RAD51AP2: variants seen among roughly 807,000 people sequenced by gnomAD.
RAD51AP2 encodes RAD51-associated protein 2.
A neutral mutation model predicts 85.5 loss-of-function variants in RAD51AP2; 67 were observed. The ratio of observed to expected loss-of-function variants is 0.78; its 90% CI spans 0.64 to 0.96. RAD51AP2 has a LOEUF of 0.96. RAD51AP2 is among the 40% of genes least tolerant of loss of function. RAD51AP2 has a pLI of 0.00. For missense variants in RAD51AP2, 1,307 were observed against 1,332.4 expected, an observed-to-expected ratio of 0.98 and a Z score of 0.30; for synonymous variants, 474 against 446.5, an observed-to-expected ratio of 1.06 and a Z score of -0.78.
the RAD51AP2 span, among the ~76,000 whole-genome samples, chr2:17,537,229 G>A: frequency 6.6e-6 from 1 of 151,958 alleles, no homozygotes; most frequent in African/African-American, 2.4e-5. Context: ...AGCTGAGGCG[G>A]GAGGATCACT....
In RAD51AP2 at chr2:17,516,075, G is replaced by C; in HGVS notation, c.2341C>G (p.His781Asp). 6.2e-7 allele frequency: 1 copy of C among 1,613,254 alleles called. No individual in the cohort carries two copies. Among genetic ancestry groups the C allele is most frequent in the African/African-American group, 1.3e-5 (1 of 74,960 alleles). Residue 781 changes from histidine to aspartate, a missense_variant, in exon 1 of 3, where the codon CAC (histidine) becomes GAC (aspartate). Physicochemically the swap from His to Asp is moderately conservative, Grantham distance 81 (BLOSUM62 -1). Around this residue, in one of 3 missense-constraint regions of RAD51AP2, gnomAD observed 668 missense variants for 671.0 expected, o/e 1.00. Coordinates refer to ENST00000399080, the MANE Select transcript of RAD51AP2 (RefSeq NM_001099218.3). ...HNKISNFDCE[H>D]IFEDLCNVRQ... ...ACATTGCAGAGATCTTCAAATATGT[G>C]CTCACAGTCAAAGTTACTGATCTTA...
chr2:17,511,862 C>G (rs1260423952), intron 2 of RAD51AP2, among the ~76,000 whole-genome samples: 1 of 151,844 alleles, frequency 6.6e-6, no homozygotes. Context: ...TAGATAAAAT[C>G]AGTTTATTAT....
In RAD51AP2 at chr2:17,517,405, T is replaced by G. The variant is rs1365604099; in HGVS notation, c.1011A>C (p.Gln337His). Residue 337 changes from glutamine (Q) to histidine (H), a missense_variant, in exon 1 of 3, where the codon CAA becomes CAC. Physicochemically the swap from Gln to His is conservative, Grantham distance 24. This residue lies in a region of RAD51AP2 where 635 missense variants were observed against 643.6 expected (regional missense o/e 0.99). Coordinates refer to ENST00000399080, the MANE Select transcript of RAD51AP2 (RefSeq NM_001099218.3). Reference protein sequence around the residue: ...YENDYPSLSSQNTCKRKDLIS... With the variant: ...YENDYPSLSSHNTCKRKDLIS... ...TCAAGTCTTTTCTCTTACAAGTATT[T>G]TGGCTACTGAGTGATGGGTAGTCAT... 5.6e-6 allele frequency: 9 copies of G among 1,613,862 alleles called. No homozygotes were observed. The highest frequency in any genetic ancestry group is 1.7e-5 in the Admixed American group (1 of 60,026).
Position 17,514,009 on chromosome 2 carries a change from T to C in RAD51AP2, c.3328+3A>G. 6.8e-7 allele frequency: 1 copy of C among 1,476,726 alleles called. No homozygotes were observed. The highest frequency in any genetic ancestry group is 2.3e-5 in the East Asian group (1 of 44,026). The allele number at this position is 1,476,726 out of a possible 1,614,324, so 91.5% of individuals were successfully genotyped here. A position where few individuals can be genotyped will look rare whatever the true frequency, so the allele number is the denominator to read the frequency against. ...TTATCCTAAAAAGTAACCACAATGTTACCTCCTCTCAATAAATAATTAAAT... is the reference window on the plus strand; with the variant it reads ...TTATCCTAAAAAGTAACCACAATGTCACCTCCTCTCAATAAATAATTAAAT... On this transcript the variant is annotated splice_donor_region_variant and intron_variant, in intron 2 of 2. Transcript: ENST00000399080.
rs1170016920 is a variant in RAD51AP2, at chr2:17,517,668, A to G, written c.748T>C (p.Tyr250His). ...CTTATTGTGCCGCTATCTCTAAAAT[A>G]GCTAGGTTTGGCAATTTCCAAGCTG... ...QPSLEIAKPS[Y>H]FRDSGTISVP... Residue 250 changes from tyrosine (Y) to histidine (H), a missense_variant, in exon 1 of 3, where the codon TAT (tyrosine) becomes CAT (histidine). Physicochemically the swap from Tyr to His is moderately conservative, Grantham distance 83. Transcript: ENST00000399080. The G allele has an allele frequency of 6.2e-7, 1 of 1,613,680 alleles. No individual in the cohort carries two copies. Among genetic ancestry groups the G allele is most frequent in the Admixed American group, 1.7e-5 (1 of 59,948 alleles).
Position 17,516,170 on chromosome 2 carries a change from A to G in RAD51AP2, c.2246T>C (p.Ile749Thr), listed in dbSNP as rs1174556413. ...ATTTACTTCATAAAAATTTTCATTA[A>G]TGTATCCTCGGTTGTTCTGTATAAA... Reference protein sequence around the residue: ...PQFIQNNRGYINENFYEVNMH... With the variant: ...PQFIQNNRGYTNENFYEVNMH... The change falls in exon 1 of 3, where the codon ATT becomes ACT. Residue 749 changes from isoleucine (I) to threonine (T), a missense_variant. Transcript: ENST00000399080. The G allele has an allele frequency of 1.9e-6, 3 of 1,613,434 alleles. No homozygotes were observed. Among genetic ancestry groups the G allele is most frequent in the South Asian group, 1.1e-5 (1 of 91,018 alleles).
the RAD51AP2 span, among the ~76,000 whole-genome samples, chr2:17,532,432 T>C: frequency 6.6e-6 from 1 of 152,146 alleles, no homozygotes; most frequent in African/African-American, 2.4e-5. Context: ...TCTTTCTGTG[T>C]CTGTGTTTTT....
In RAD51AP2 at chr2:17,515,496, C is replaced by T; in HGVS notation, c.2920G>A (p.Glu974Lys). 6.2e-7 allele frequency: 1 copy of T among 1,613,152 alleles called. No homozygotes were observed. Residue 974 changes from glutamate (E) to lysine (K), a missense_variant, in exon 1 of 3, where the codon GAA becomes AAA. Around this residue, in one of 3 missense-constraint regions of RAD51AP2, gnomAD observed 668 missense variants for 671.0 expected, o/e 1.00. Transcript: ENST00000399080. ...CTAATTTCATGAAACATACGAAGTT[C>T]TTCAAGTACTAAGTCAAATTTTCTC... ...MKRKFDLVLE[E>K]LRMFHEISRE...
chr2:17,526,002 A>G, the RAD51AP2 span, among the ~76,000 whole-genome samples: 2 of 152,030 alleles, frequency 1.3e-5, no homozygotes, highest in African/African-American at 4.8e-5. Flanking sequence ...GTGGAAAACA[A>G]AAAGGTAAGA....
the RAD51AP2 span, among the ~76,000 whole-genome samples, chr2:17,525,446 A>G: frequency 6.6e-5 from 10 of 152,196 alleles, no homozygotes; most frequent in African/African-American, 2.4e-4. Context: ...GAGAGGCATT[A>G]GTGCGTACTG....
the RAD51AP2 span, among the ~76,000 whole-genome samples, chr2:17,530,335 T>A: frequency 6.6e-6 from 1 of 152,108 alleles, no homozygotes; most frequent in South Asian, 2.1e-4. Flanking sequence ...AAGCTTTCTG[T>A]AATTAGTTTT....
chr2:17,516,000 T>C lies in RAD51AP2; in HGVS notation c.2416A>G (p.Thr806Ala), dbSNP rs1454680776. ...ACTTGAGTTATAGAAGTGGTATGGG[T>C]CTCTTCATTATGTATTATGTTGTGG... ...ASHNIIHNEE[T>A]HTTSITQVLN... The change falls in exon 1 of 3, where the codon ACC (threonine) becomes GCC (alanine). Residue 806 changes from threonine (T) to alanine (A), a missense_variant. Thr to Ala is a moderately conservative substitution (Grantham distance 58, BLOSUM62 0). Coordinates refer to ENST00000399080, the MANE Select transcript of RAD51AP2 (RefSeq NM_001099218.3). 6.2e-7 allele frequency: 1 copy of C among 1,613,580 alleles called. No individual in the cohort carries two copies. Among genetic ancestry groups the C allele is most frequent in the East Asian group, 2.2e-5 (1 of 44,856 alleles).
At chr2:17,512,461 A>C (rs1021030323) in intron 2 of RAD51AP2, among the ~76,000 whole-genome samples, 1 of 152,228 alleles carries the variant, frequency 6.6e-6, no homozygotes, top group African/African-American at 2.4e-5. Flanking sequence ...GAATTCATAC[A>C]TTATTTTTGA....
the RAD51AP2 span, among the ~76,000 whole-genome samples, chr2:17,534,479 T>G: frequency 1.3e-5 from 2 of 152,172 alleles, no homozygotes; most frequent in African/African-American, 4.8e-5. Flanking sequence ...ATTACTGGGT[T>G]GCCCCTACCT....
At position 17,518,051 on chromosome 2, in the gene RAD51AP2, C is replaced by T. The variant is rs753790045; in HGVS notation, c.365G>A (p.Ser122Asn). 6.2e-7 allele frequency: 1 copy of T among 1,614,180 alleles called. No homozygotes were observed. The highest frequency in any genetic ancestry group is 8.5e-7 in the Non-Finnish European group (1 of 1,180,036). Residue 122 changes from serine to asparagine, a missense_variant, in exon 1 of 3, where the codon AGT (serine) becomes AAT (asparagine). Ser to Asn is a conservative substitution (Grantham distance 46). This residue lies in a region of RAD51AP2 where 635 missense variants were observed against 643.6 expected (regional missense o/e 0.99). Transcript: ENST00000399080. The part of the protein sequence containing the change: ...SSCLQSPPSQ[S>N]PDSDLRASGR... Reference sequence around the variant, plus strand: ...TGAAGCCCTCAAATCAGAATCAGGACTTTGTGAGGGGGGAGACTGCAAACA... The same window carrying T: ...TGAAGCCCTCAAATCAGAATCAGGATTTTGTGAGGGGGGAGACTGCAAACA...
chr2:17,518,059 G>A lies in RAD51AP2; in HGVS notation c.357C>T (p.Pro119=), dbSNP rs371446422. Residue 119 remains proline, a synonymous_variant, in exon 1 of 3, where the codon CCC becomes CCT. Transcript: ENST00000399080. ...TCAAATCAGAATCAGGACTTTGTGA[G>A]GGGGGAGACTGCAAACAGCTACTCA... is the stretch of plus-strand genomic sequence containing the variant. ...FQMSSCLQSP[P]SQSPDSDLRA... 2.5e-6 allele frequency: 4 copies of A among 1,613,646 alleles called. No homozygotes were observed. The highest frequency in any genetic ancestry group is 1.7e-5 in the Admixed American group (1 of 59,994).
At chr2:17,523,816 A>T in the RAD51AP2 span, among the ~76,000 whole-genome samples, 1 of 151,922 alleles carries the variant, frequency 6.6e-6, no homozygotes. Context: ...AAAACAATGG[A>T]TCAAAAGAAT....
At chr2:17,535,181 T>C in the RAD51AP2 span, among the ~76,000 whole-genome samples, 5 of 152,158 alleles carry the variant, frequency 3.3e-5, no homozygotes, top group Admixed American at 3.3e-4. Context: ...GAAGGATTAA[T>C]AAGACCCTTA....
At chr2:17,533,190 T>C in the RAD51AP2 span, among the ~76,000 whole-genome samples, 1 of 152,238 alleles carries the variant, frequency 6.6e-6, no homozygotes, top group African/African-American at 2.4e-5. Flanking sequence ...TCTATATTTC[T>C]AGCACAGACT....
Sources: gnomAD v4.1 joint callset for allele counts (sites outside exome capture counted in the v4.1 genomes callset) on GRCh38, gnomAD v4.1.1 for gene constraint, gnomAD v4.1.1 regional missense constraint, MANE v1.5 for transcripts, NCBI Gene and HGNC (gene_info 2026-07-23, HGNC 2026-07-21) for gene names.